The following MTUS2 variants were observed in gnomAD, a reference collection of about 807,000 sequenced individuals.
MTUS2 encodes microtubule associated scaffold protein 2.
In MTUS2, 40 loss-of-function variants were observed where a neutral mutation model predicts 114.1. The observed-to-expected ratio is 0.35, with a 90% CI of 0.27 to 0.46. The LOEUF (loss-of-function observed/expected upper bound fraction) is 0.46, where lower values mean the gene tolerates loss of function less well. Ranked by LOEUF, MTUS2 falls within the 20% of genes least tolerant of loss-of-function variation. MTUS2 has a pLI of 1.00. For missense variants in MTUS2, 1,679 were observed against 1,705.4 expected, an observed-to-expected ratio of 0.98 and a Z score of 0.27; for synonymous variants, 688 against 672.0, an observed-to-expected ratio of 1.02 and a Z score of -0.37.
In MTUS2 at chr13:29,025,078, T is replaced by C. The variant is rs750280261; in HGVS notation, c.380T>C (p.Ile127Thr). The C allele has an allele frequency of 1.9e-5, 31 of 1,613,740 alleles. No homozygotes were observed. The highest frequency in any genetic ancestry group is 2.6e-5 in the Non-Finnish European group (31 of 1,179,842). The change falls in exon 3 of 16, where the codon ATT becomes ACT. Residue 127 changes from isoleucine (I) to threonine (T), a missense_variant. Ile to Thr is a moderately conservative substitution (Grantham distance 89). Coordinates refer to ENST00000612955, the MANE Select transcript of MTUS2 (RefSeq NM_001033602.4). ...GATAGCCTGCAGACCACGCGGAGTA[T>C]TCAGGGACCAAGTCTGTCGAGTTGG... Reference protein sequence around the residue: ...GTDSLQTTRSIQGPSLSSWRN... With the variant: ...GTDSLQTTRSTQGPSLSSWRN...
intron 5 of MTUS2, among the ~76,000 whole-genome samples, chr13:29,194,483 C>T (rs1311468798): frequency 1.3e-5 from 2 of 152,148 alleles, no homozygotes; most frequent in Non-Finnish European, 2.9e-5. Flanking sequence ...AGCCAAAAAA[C>T]ACATGAAAAA....
At chr13:29,135,915 G>A (rs917126601) in intron 5 of MTUS2, among the ~76,000 whole-genome samples, 2 of 152,008 alleles carry the variant, frequency 1.3e-5, no homozygotes, top group African/African-American at 4.8e-5. Flanking sequence ...TAATGTATTA[G>A]TCTCTTAAAT....
intron 5 of MTUS2, among the ~76,000 whole-genome samples, chr13:29,202,975 A>G (rs944626774): frequency 5.3e-5 from 8 of 152,174 alleles, no homozygotes; most frequent in Non-Finnish European, 4.4e-5. Context: ...CCAGTACAGG[A>G]GGCACGGGGG....
intron 5 of MTUS2, among the ~76,000 whole-genome samples, chr13:29,117,139 T>C (rs147405588): frequency 6.6e-6 from 1 of 152,356 alleles, no homozygotes; most frequent in Non-Finnish European, 1.5e-5. Context: ...TCTCTCTTTG[T>C]GTGCTGAGGT....
At chr13:28,986,896 G>T (rs1184848070) in intron 2 of MTUS2, among the ~76,000 whole-genome samples, 1 of 152,170 alleles carries the variant, frequency 6.6e-6, no homozygotes, top group African/African-American at 2.4e-5. Context: ...CATATACCTG[G>T]TGGCTTCTGT....
intron 4 of MTUS2, among the ~76,000 whole-genome samples, chr13:29,042,100 C>T (rs942099718): frequency 1.5e-4 from 23 of 152,056 alleles, no homozygotes; most frequent in African/African-American, 5.3e-4. Flanking sequence ...TTGGCTGTGG[C>T]GTTGTCATAG....
chr13:29,128,016 C>A (rs946158568), intron 5 of MTUS2, among the ~76,000 whole-genome samples: 1 of 152,032 alleles, frequency 6.6e-6, no homozygotes, highest in Admixed American at 6.5e-5. Flanking sequence ...TGATGTGATG[C>A]GTAATGGAGG....
intron 1 of MTUS2, among the ~76,000 whole-genome samples, chr13:28,834,908 G>A (rs4508299): frequency 0.52 from 78,954 of 151,980 alleles, 21,266 homozygotes; most frequent in African/African-American, 0.59. Flanking sequence ...GAAGATATAC[G>A]AGTGGCCAGT....
intron 3 of MTUS2, among the ~76,000 whole-genome samples, chr13:29,033,604 T>A (rs185233259): frequency 1.3e-5 from 2 of 152,304 alleles, no homozygotes; most frequent in African/African-American, 4.8e-5. Flanking sequence ...CTAGTGATTT[T>A]GTAACAATGG....
intron 2 of MTUS2, among the ~76,000 whole-genome samples, chr13:28,856,995 C>T (rs7336122): frequency 0.059 from 8,981 of 152,210 alleles, 437 homozygotes; most frequent in African/African-American, 0.14. Context: ...AACATCTGAG[C>T]GGTTGCGCAC....
intron 5 of MTUS2, among the ~76,000 whole-genome samples, chr13:29,194,486 A>G (rs1045401067): frequency 4.7e-4 from 72 of 152,352 alleles, no homozygotes; most frequent in African/African-American, 1.6e-3. Flanking sequence ...CAAAAAACAC[A>G]TGAAAAAATG....
chr13:29,363,989 A>G (rs1275997171), intron 8 of MTUS2, among the ~76,000 whole-genome samples: 2 of 152,194 alleles, frequency 1.3e-5, no homozygotes. Context: ...CAACATAATT[A>G]GAAAGTGATG....
intron 6 of MTUS2, among the ~76,000 whole-genome samples, chr13:29,322,902 C>G (rs1900312572): frequency 6.6e-6 from 1 of 152,118 alleles, no homozygotes; most frequent in South Asian, 2.1e-4. Flanking sequence ...TATGGTGGCA[C>G]ATATCAATTA....
chr13:29,093,482 A>G (rs1890051423), intron 4 of MTUS2, among the ~76,000 whole-genome samples: 1 of 152,204 alleles, frequency 6.6e-6, no homozygotes. Flanking sequence ...CTGATCGTTT[A>G]TGATAATTCC....
intron 10 of MTUS2, among the ~76,000 whole-genome samples, chr13:29,482,795 CT>C (rs1881291458): frequency 6.6e-6 from 1 of 152,240 alleles, no homozygotes; most frequent in South Asian, 2.1e-4. Context: ...TTGACTGAAT[CT>C]TTCCAACACA....
At chr13:29,133,700 T>C (rs1442711662) in intron 5 of MTUS2, among the ~76,000 whole-genome samples, 9 of 152,230 alleles carry the variant, frequency 5.9e-5, no homozygotes, top group Non-Finnish European at 8.8e-5. Flanking sequence ...TTCTACTTCA[T>C]GAGTCTGTAT....
At chr13:29,091,648 T>C (rs1249613688) in intron 4 of MTUS2, among the ~76,000 whole-genome samples, 1 of 152,210 alleles carries the variant, frequency 6.6e-6, no homozygotes, top group Non-Finnish European at 1.5e-5. Flanking sequence ...GGGTAATCTT[T>C]CCTTGAGCCT....
chr13:29,128,886 G>A (rs61945866), intron 5 of MTUS2, among the ~76,000 whole-genome samples: 1,584 of 152,110 alleles, frequency 0.01, 17 homozygotes, highest in Non-Finnish European at 0.013. Flanking sequence ...AAATGTATTC[G>A]GTGATTACAT....
chr13:29,341,098 C>A (rs1901370319), intron 7 of MTUS2, among the ~76,000 whole-genome samples: 1 of 152,050 alleles, frequency 6.6e-6, no homozygotes, highest in Admixed American at 6.6e-5. Flanking sequence ...GTGAATTCTG[C>A]TGCTCTACAC....
Sources: gnomAD v4.1 joint callset for allele counts (sites outside exome capture counted in the v4.1 genomes callset) on GRCh38, gnomAD v4.1.1 for gene constraint, MANE v1.5 for transcripts, NCBI Gene and HGNC (gene_info 2026-07-23, HGNC 2026-07-21) for gene names.